FNBP1: variants seen among roughly 807,000 people sequenced by gnomAD.
The protein encoded by FNBP1 is formin binding protein 1.
FNBP1 carries 26 observed loss-of-function variants against 90.6 expected under a neutral mutation model. The ratio of observed to expected loss-of-function variants is 0.29; its 90% CI spans 0.21 to 0.40. FNBP1 has a LOEUF of 0.40. Among genes scored for constraint, FNBP1 ranks in the 10% least tolerant of loss-of-function variants. The pLI is 1.00. For missense variants in FNBP1, 635 were observed against 768.0 expected (o/e 0.83, Z 2.05); for synonymous variants, 260 against 265.2 (o/e 0.98, Z 0.19).
chr9:130,020,089 G>GA (rs2057666349), intron 1 of FNBP1, among the ~76,000 whole-genome samples: 1 of 152,176 alleles, frequency 6.6e-6, no homozygotes, highest in Non-Finnish European at 1.5e-5. Context: ...ACGCTACCAT[G>GA]ATACAAATAG....
At chr9:130,023,473 A>G (rs534423950) in intron 1 of FNBP1, among the ~76,000 whole-genome samples, 1 of 152,310 alleles carries the variant, frequency 6.6e-6, no homozygotes, top group Non-Finnish European at 1.5e-5. Context: ...TTCCCCGGCC[A>G]AGGGCAAGGC....
At chr9:130,040,626 GA>G (rs3055737) in intron 1 of FNBP1, among the ~76,000 whole-genome samples, 5,586 of 139,184 alleles carry the variant, frequency 0.04, 352 homozygotes, top group African/African-American at 0.14. Context: ...CTCCGTCTCA[GA>G]AAAAAAAAAA....
chr9:130,023,958 G>A (rs532457516), intron 1 of FNBP1, among the ~76,000 whole-genome samples: 1 of 152,110 alleles, frequency 6.6e-6, no homozygotes, highest in African/African-American at 2.4e-5. Context: ...TACTCTCCCT[G>A]TGAGCTGCCT....
Position 129,890,602 on chromosome 9 carries a change from G to A in FNBP1, c.1847-56C>T. 1 of 1,400,088 alleles carries A rather than the reference G, an allele frequency of 7.1e-7. No homozygotes were observed. The highest frequency in any genetic ancestry group is 1.2e-5 in the South Asian group (1 of 82,194). 86.7% of individuals were successfully genotyped at this position (1,400,088 alleles called of 1,614,324 possible). A position where few individuals can be genotyped will look rare whatever the true frequency, so the allele number is the denominator to read the frequency against. On this transcript the variant is annotated intron_variant, in intron 16 of 16. Coordinates refer to ENST00000446176, the MANE Select transcript of FNBP1 (RefSeq NM_015033.3). The surrounding 1 kb of genome is among the most constrained non-coding windows in gnomAD (Gnocchi z 5.8). Reference sequence around the variant, plus strand: ...CTCTCTGTTAGAGAGGAAGGCGCGGGTTCCAGGCGGGCATTTTGCTCTTGG... The same window carrying A: ...CTCTCTGTTAGAGAGGAAGGCGCGGATTCCAGGCGGGCATTTTGCTCTTGG...
intron 1 of FNBP1, among the ~76,000 whole-genome samples, chr9:130,026,452 C>T (rs770812819): frequency 1.9e-4 from 29 of 152,074 alleles, no homozygotes; most frequent in Admixed American, 7.9e-4. Context: ...AGAGATCATA[C>T]TACTGCACTC....
intron 15 of FNBP1, 89 bp from the exon 16 acceptor site, chr9:129,896,085 C>T (rs2035687907): frequency 1.4e-6 from 2 of 1,379,858 alleles, no homozygotes; most frequent in Non-Finnish European, 2.0e-6. Flanking sequence ...CAAGTGTCGT[C>T]GAAGATGAAG....
At chr9:129,951,216 C>T (rs752339343) in intron 6 of FNBP1, among the ~76,000 whole-genome samples, 1 of 151,966 alleles carries the variant, frequency 6.6e-6, no homozygotes, top group Non-Finnish European at 1.5e-5. Flanking sequence ...CTCGGCCTCC[C>T]ATAGTGCTGG....
chr9:129,923,261 A>G (rs1174759674), intron 10 of FNBP1, among the ~76,000 whole-genome samples: 1 of 151,996 alleles, frequency 6.6e-6, no homozygotes, highest in Non-Finnish European at 1.5e-5. Flanking sequence ...GAAGAGGGGT[A>G]AAGTCCTTCC....
At chr9:130,018,225 C>T (rs2057452353) in intron 1 of FNBP1, among the ~76,000 whole-genome samples, 1 of 150,844 alleles carries the variant, frequency 6.6e-6, no homozygotes, top group African/African-American at 2.5e-5. Context: ...ATACTCTTCC[C>T]TTTTGTTTAA....
chr9:129,924,047 C>T (rs370410249), intron 9 of FNBP1, 21 bp from the exon 10 acceptor site: 1 of 1,480,824 alleles, frequency 6.8e-7, no homozygotes, highest in Non-Finnish European at 8.9e-7. Flanking sequence ...GAGATGGAGC[C>T]GTGACAGAGT....
intron 15 of FNBP1, 62 bp downstream of exon 15, chr9:129,899,901 GAA>G (rs760472383): frequency 7.4e-7 from 1 of 1,357,810 alleles, no homozygotes; most frequent in African/African-American, 1.5e-5. Context: ...AAAAGTGAAA[GAA>G]GAGTAACTCA....
At chr9:129,969,627 T>A (rs1367252793) in intron 4 of FNBP1, among the ~76,000 whole-genome samples, 1 of 152,078 alleles carries the variant, frequency 6.6e-6, no homozygotes, top group Non-Finnish European at 1.5e-5. Flanking sequence ...ACTACACTTT[T>A]GGCCAGGCAC....
chr9:129,948,592 G>C (rs927793647), intron 6 of FNBP1, among the ~76,000 whole-genome samples: 3 of 151,722 alleles, frequency 2.0e-5, no homozygotes, highest in South Asian at 4.2e-4. Flanking sequence ...CCCCAGGCTG[G>C]AGTGCAATGG....
intron 4 of FNBP1, among the ~76,000 whole-genome samples, chr9:129,960,383 C>CAAAA (rs10715833): frequency 9.9e-5 from 8 of 80,444 alleles, no homozygotes; most frequent in Admixed American, 3.0e-4. Context: ...GACTCCATCT[C>CAAAA]AAAAAAAAAA....
chr9:129,968,142 C>A (rs2048898318), intron 4 of FNBP1, among the ~76,000 whole-genome samples: 1 of 152,084 alleles, frequency 6.6e-6, no homozygotes, highest in Non-Finnish European at 1.5e-5. Context: ...TGCCTGTAAT[C>A]CCAGCACTTT....
At chr9:130,017,072 C>T (rs2057311038) in intron 1 of FNBP1, among the ~76,000 whole-genome samples, 1 of 151,742 alleles carries the variant, frequency 6.6e-6, no homozygotes, top group Admixed American at 6.6e-5. Flanking sequence ...ATAGCAAGAC[C>T]CCATCTCTTT....
intron 10 of FNBP1, among the ~76,000 whole-genome samples, chr9:129,918,297 T>C (rs527672940): frequency 6.6e-6 from 1 of 152,386 alleles, no homozygotes; most frequent in South Asian, 2.1e-4. Context: ...AATCATTATA[T>C]ACTGGTTTTC....
chr9:130,032,790 T>C (rs1293604698), intron 1 of FNBP1, among the ~76,000 whole-genome samples: 1 of 152,082 alleles, frequency 6.6e-6, no homozygotes. Flanking sequence ...TAATTCCCCC[T>C]AGAAAAAACT....
Position 130,043,075 on chromosome 9 carries a change from A to T in FNBP1, c.-100T>A. On this transcript the variant is annotated 5_prime_UTR_variant, in exon 1 of 17. Transcript: ENST00000446176. ...CCCCCCGAGATCCCCGCGACGGCGG[A>T]AAGCCCGGAGTCCGCGCGGCCTCCT... is the stretch of plus-strand genomic sequence containing the variant. The T allele has an allele frequency of 8.7e-7, 1 of 1,143,058 alleles. No homozygotes were observed. Among genetic ancestry groups the T allele is most frequent in the Non-Finnish European group, 1.1e-6 (1 of 910,534 alleles). 70.8% of individuals were successfully genotyped at this position (1,143,058 alleles called of 1,614,324 possible). A position where few individuals can be genotyped will look rare whatever the true frequency, so the allele number is the denominator to read the frequency against.
Sources: allele counts gnomAD v4.1 joint callset (sites outside exome capture counted in the v4.1 genomes callset), GRCh38; gene constraint gnomAD v4.1.1; non-coding constraint Gnocchi (gnomAD v3.1); transcripts MANE v1.5; gene names NCBI Gene and HGNC (gene_info 2026-07-23, HGNC 2026-07-21).